BNIP2: variants seen among roughly 807,000 people sequenced by gnomAD.
BNIP2 encodes the protein BCL2 interacting protein 2, also known as BCL2/adenovirus E1B 19 kDa protein-interacting protein 2.
In BNIP2, 36 loss-of-function variants were observed where a neutral mutation model predicts 43.4. The observed-to-expected ratio is 0.83, with a 90% confidence interval of 0.64 to 1.10. The LOEUF is 1.10. Ranked by LOEUF, BNIP2 falls within the 50% of genes least tolerant of loss-of-function variation. BNIP2 has a pLI of 0.00. For missense variants in BNIP2, 417 were observed against 374.1 expected, an observed-to-expected ratio of 1.11 and a Z score of -0.95; for synonymous variants, 146 against 121.0, an observed-to-expected ratio of 1.21 and a Z score of -1.35.
Position 59,666,531 on chromosome 15 carries a change from GTGGTGGGTGCC to G in BNIP2, c.893+2350_893+2360del, listed in dbSNP as rs1275356685. On this transcript the variant is annotated intron_variant, in intron 9 of 9. Transcript: ENST00000607373. ...AAAATGCAAAAATTAGCCAGGCATG[GTGGTGGGTGCC>G]TGTAATCCCAGCTACTTGGGGGGCT... Among the ~76,000 whole-genome samples, 6 of 152,102 alleles carry G rather than the reference GTGGTGGGTGCC, an allele frequency of 3.9e-5. No individual in the cohort carries two copies. In the East Asian group the frequency reaches 1.2e-3, roughly 29 times the overall value.
intron 6 of BNIP2, 45 bp from the exon 7 acceptor site, chr15:59,671,359 T>G: frequency 6.6e-7 from 1 of 1,511,792 alleles, no homozygotes; most frequent in Non-Finnish European, 8.9e-7. Context: ...TCACTGTGCA[T>G]AACTGAACTA....
At chr15:59,680,534 G>C (rs1407219930) in intron 2 of BNIP2, among the ~76,000 whole-genome samples, 7 of 151,968 alleles carry the variant, frequency 4.6e-5, no homozygotes, top group Non-Finnish European at 7.4e-5. Context: ...AGATCCTCCC[G>C]AGTATCTAAG....
chr15:59,672,143 T>C (rs1391882618), intron 6 of BNIP2: 1 of 152,276 alleles, frequency 6.6e-6, no homozygotes, highest in Non-Finnish European at 1.5e-5. Context: ...AATGACAATT[T>C]TTCTCTTGAA....
chr15:59,675,500 C>G (rs557436091), intron 5 of BNIP2, among the ~76,000 whole-genome samples: 1 of 151,820 alleles, frequency 6.6e-6, no homozygotes, highest in East Asian at 1.9e-4. Context: ...ATCCCAGCTA[C>G]TCGGGAGACT....
chr15:59,686,937 A>T (rs1471957066), intron 1 of BNIP2, among the ~76,000 whole-genome samples: 1 of 152,200 alleles, frequency 6.6e-6, no homozygotes, highest in Non-Finnish European at 1.5e-5. Context: ...GAATCGCTTG[A>T]ACCTGGGAGG....
chr15:59,671,372 T>G (rs1892900653), intron 6 of BNIP2, 58 bp from the exon 7 acceptor site: 2 of 1,454,914 alleles, frequency 1.4e-6, no homozygotes, highest in African/African-American at 2.8e-5. Context: ...CTGAACTAGG[T>G]TCTCTAAATT....
intron 2 of BNIP2, among the ~76,000 whole-genome samples, chr15:59,681,411 GTAA>G (rs1893659290): frequency 1.3e-5 from 2 of 149,372 alleles, no homozygotes; most frequent in African/African-American, 4.9e-5. Context: ...AATTTACTTA[GTAA>G]GGTTTTTTTT....
chr15:59,662,654 G>A lies in BNIP2; in HGVS notation c.*1415C>T, dbSNP rs1871498. On this transcript the variant is annotated 3_prime_UTR_variant, in exon 10 of 10. Coordinates refer to ENST00000607373, the MANE Select transcript of BNIP2 (RefSeq NM_004330.4). The stretch of plus-strand genomic sequence containing the variant: ...TTCAATCTAGGATAGACTAAATCTT[G>A]AAAGGTTAGCTCACATCCACTTCAA... 147,665 of 152,326 alleles carry A rather than the reference G, an allele frequency of 0.97. 71,744 individuals are homozygous for A. Among genetic ancestry groups the A allele is most frequent in the East Asian group, 1 (5,186 of 5,186 alleles). 9.4% of individuals were successfully genotyped at this position (152,326 alleles called of 1,614,324 possible).
intron 1 of BNIP2, chr15:59,688,493 G>A (rs1172941186): frequency 2.8e-5 from 13 of 465,902 alleles, no homozygotes; most frequent in Non-Finnish European, 4.6e-5. Flanking sequence ...CGGAAAAGCT[G>A]TTTCGTCAAA....
intron 1 of BNIP2, 124 bp from the exon 2 acceptor site, chr15:59,682,638 A>G (rs1413744558): frequency 1.1e-5 from 8 of 708,542 alleles, no homozygotes; most frequent in Non-Finnish European, 1.7e-5. Flanking sequence ...CATGAAATTC[A>G]TTTACAGGGT....
At position 59,661,369 on chromosome 15, in the gene BNIP2, G is replaced by A. The variant is rs944506124; in HGVS notation, c.*2700C>T. 6.7e-6 allele frequency: 1 copy of A among 149,960 alleles called. No individual in the cohort carries two copies. The highest frequency in any genetic ancestry group is 1.5e-5 in the Non-Finnish European group (1 of 67,806). 9.3% of individuals were successfully genotyped at this position (149,960 alleles called of 1,614,324 possible). On this transcript the variant is annotated 3_prime_UTR_variant, in exon 10 of 10. Transcript: ENST00000607373. ...AAAAAAGAGAGGGCACACATACAGT[G>A]GCATCTTAGGTAACAACTATGTCTT...
chr15:59,678,792 C>T, intron 4 of BNIP2: 1 of 1,302,340 alleles, frequency 7.7e-7, no homozygotes, highest in South Asian at 1.2e-5. Flanking sequence ...TTAGTTGTTT[C>T]CAAGACAAAG....
At chr15:59,677,049 C>T in intron 5 of BNIP2, 6 of 1,610,944 alleles carry the variant, frequency 3.7e-6, no homozygotes, top group Non-Finnish European at 5.1e-6. Flanking sequence ...CCTTGGCATT[C>T]AGATGACTTC....
Position 59,671,262 on chromosome 15 carries a change from A to C in BNIP2, c.628T>G (p.Tyr210Asp), listed in dbSNP as rs1284047892. 1 of 1,598,544 alleles carries C rather than the reference A, an allele frequency of 6.3e-7. No homozygotes were observed. The highest frequency in any genetic ancestry group is 8.5e-7 in the Non-Finnish European group (1 of 1,171,524). ...LLVAENYMIV[Y>D]LNGATTRRKM... is the part of the protein sequence containing the mutation. ...CTTCGAGTTGTTGCACCATTTAAAT[A>C]AACTATCATGTAGTTTTCTGCTACT... Residue 210 changes from tyrosine (Y) to aspartate (D), a missense_variant, in exon 7 of 10, where the codon TAT becomes GAT. Physicochemically the swap from Tyr to Asp is radical, Grantham distance 160. Coordinates refer to ENST00000607373, the MANE Select transcript of BNIP2 (RefSeq NM_004330.4).
chr15:59,680,950 A>G (rs1158031420), intron 2 of BNIP2, among the ~76,000 whole-genome samples: 1 of 152,230 alleles, frequency 6.6e-6, no homozygotes, highest in Non-Finnish European at 1.5e-5. Flanking sequence ...CACTTATTAT[A>G]TATAAGTAAC....
rs1296868295 is a variant in BNIP2, at chr15:59,686,953, G to T, written c.-58+2182C>A. On this transcript the variant is annotated intron_variant, in intron 1 of 9. Transcript: ENST00000607373. The stretch of plus-strand genomic sequence containing the variant: ...AATCGCTTGAACCTGGGAGGCAGAG[G>T]TTGCAGTGAGCCGAGATTGCGCCAT... Among the ~76,000 whole-genome samples, 7 of 152,324 alleles carry T rather than the reference G, an allele frequency of 4.6e-5. No individual in the cohort carries two copies. In the East Asian group the frequency reaches 1.3e-3, roughly 29 times the overall value.
intron 5 of BNIP2, among the ~76,000 whole-genome samples, chr15:59,674,088 C>T (rs1169951483): frequency 2.5e-5 from 2 of 79,600 alleles, no homozygotes; most frequent in Admixed American, 2.8e-4. Flanking sequence ...AGACTTGGGT[C>T]TCAAAAAAAA....
intron 9 of BNIP2, among the ~76,000 whole-genome samples, chr15:59,666,075 C>T (rs1290615651): frequency 9.8e-6 from 1 of 102,028 alleles, no homozygotes; most frequent in African/African-American, 3.5e-5. Flanking sequence ...TCCCCTGAAA[C>T]ATTTTAACAA....
Position 59,671,227 on chromosome 15 carries a change from G to C in BNIP2, c.663C>G (p.Pro221=), listed in dbSNP as rs543285464. The C allele has an allele frequency of 5.0e-6, 8 of 1,602,464 alleles. No homozygotes were observed. The Middle Eastern group carries it at 5.0e-4, about 99-fold the overall frequency. ...LNGATTRRKM[P]SLGWLRKCYQ... Reference sequence around the variant, plus strand: ...AACATTTCCTGAGCCATCCCAGACTGGGCATTTTTCTTCGAGTTGTTGCAC... The same window carrying C: ...AACATTTCCTGAGCCATCCCAGACTCGGCATTTTTCTTCGAGTTGTTGCAC... Residue 221 remains proline, a synonymous_variant, in exon 7 of 10, where the codon CCC becomes CCG. Coordinates refer to ENST00000607373, the MANE Select transcript of BNIP2 (RefSeq NM_004330.4).
Sources: allele counts gnomAD v4.1 joint callset (sites outside exome capture counted in the v4.1 genomes callset), GRCh38; gene constraint gnomAD v4.1.1; transcripts MANE v1.5; gene names NCBI Gene and HGNC (gene_info 2026-07-23, HGNC 2026-07-21).